LRRC4C: variants seen among roughly 807,000 people sequenced by gnomAD.
The protein encoded by LRRC4C is leucine rich repeat containing 4C, also known as leucine-rich repeat-containing protein 4C.
Under a neutral mutation model 33.6 loss-of-function variants are expected in LRRC4C, and 5 were observed. That is an observed-to-expected ratio of 0.15 (90% confidence interval 0.08 to 0.31). LRRC4C has a LOEUF of 0.31. Among genes scored for constraint, LRRC4C ranks in the 10% least tolerant of loss-of-function variants. The pLI is 1.00. For synonymous variants in LRRC4C, 329 were observed against 302.0 expected (o/e 1.09, Z -0.93); for missense variants, 560 against 796.7 (o/e 0.70, Z 3.58).
At chr11:40,796,367 C>T (rs561297806) in intron 2 of LRRC4C, among the ~76,000 whole-genome samples, 1 of 152,150 alleles carries the variant, frequency 6.6e-6, no homozygotes, top group African/African-American at 2.4e-5. Context: ...CATATAAATC[C>T]ACCTAAGGAC....
intron 1 of LRRC4C, among the ~76,000 whole-genome samples, chr11:41,137,227 G>T (rs549114804): frequency 5.3e-5 from 8 of 151,870 alleles, no homozygotes; most frequent in South Asian, 4.2e-4. Flanking sequence ...GGGTGACAGT[G>T]CAAGACTCAG....
intron 1 of LRRC4C, among the ~76,000 whole-genome samples, chr11:41,106,183 CT>C: frequency 6.6e-6 from 1 of 151,896 alleles, no homozygotes; most frequent in Non-Finnish European, 1.5e-5. Context: ...ACTTTCTCTC[CT>C]TTTTTTATAA....
intron 3 of LRRC4C, among the ~76,000 whole-genome samples, chr11:40,638,878 AC>A (rs1941940804): frequency 6.6e-6 from 1 of 151,850 alleles, no homozygotes; most frequent in Non-Finnish European, 1.5e-5. Context: ...GACTTAATAT[AC>A]GATGTTGCTA....
At chr11:40,787,252 A>C (rs1950447260) in intron 2 of LRRC4C, among the ~76,000 whole-genome samples, 1 of 147,550 alleles carries the variant, frequency 6.8e-6, no homozygotes, top group Non-Finnish European at 1.5e-5. Context: ...TGTTCTGTTA[A>C]TTGCCAACTG....
intron 2 of LRRC4C, among the ~76,000 whole-genome samples, chr11:40,686,667 G>A (rs773290988): frequency 1.3e-4 from 20 of 151,868 alleles, no homozygotes; most frequent in Non-Finnish European, 2.5e-4. Context: ...AAAATGAAAC[G>A]GTTCAAAATA....
intron 1 of LRRC4C, among the ~76,000 whole-genome samples, chr11:41,216,308 A>G (rs1320876099): frequency 6.6e-6 from 1 of 152,162 alleles, no homozygotes; most frequent in Non-Finnish European, 1.5e-5. Flanking sequence ...AATGACCGCT[A>G]TGCAATCAAC....
intron 5 of LRRC4C, among the ~76,000 whole-genome samples, chr11:40,197,458 A>G (rs1349373721): frequency 6.6e-6 from 1 of 152,240 alleles, no homozygotes; most frequent in Non-Finnish European, 1.5e-5. Context: ...TTGCTCAGAA[A>G]TGACCAAAGC....
At chr11:40,198,268 C>T (rs7949671) in intron 5 of LRRC4C, among the ~76,000 whole-genome samples, 7 of 152,146 alleles carry the variant, frequency 4.6e-5, no homozygotes, top group Non-Finnish European at 8.8e-5. Context: ...AACTGTGTAC[C>T]CACTTATGTA....
intron 1 of LRRC4C, among the ~76,000 whole-genome samples, chr11:41,403,312 T>C (rs987600945): frequency 3.3e-5 from 5 of 152,104 alleles, no homozygotes; most frequent in African/African-American, 1.2e-4. Context: ...TCCAATTGTC[T>C]GAACTTGTAA....
chr11:40,721,483 T>G (rs1477658492), intron 2 of LRRC4C, among the ~76,000 whole-genome samples: 1 of 152,248 alleles, frequency 6.6e-6, no homozygotes, highest in Non-Finnish European at 1.5e-5. Flanking sequence ...CAGCTTAAAC[T>G]AAGACACTTG....
intron 4 of LRRC4C, among the ~76,000 whole-genome samples, chr11:40,285,499 G>A (rs556485042): frequency 6.4e-4 from 98 of 152,192 alleles, no homozygotes; most frequent in African/African-American, 2.3e-3. Flanking sequence ...TATTAGCATT[G>A]ACCATATTTC....
chr11:40,722,579 C>T (rs80143926), intron 2 of LRRC4C, among the ~76,000 whole-genome samples: 1,818 of 152,210 alleles, frequency 0.012, 30 homozygotes, highest in South Asian at 0.03. Flanking sequence ...AAGAAATAAA[C>T]TAAGAATATG....
chr11:41,120,308 A>G (rs189457749), intron 1 of LRRC4C, among the ~76,000 whole-genome samples: 2 of 152,130 alleles, frequency 1.3e-5, no homozygotes, highest in African/African-American at 2.4e-5. Flanking sequence ...ACAAATATCT[A>G]TTGAGTTCCA....
chr11:40,758,748 G>T (rs1462865408), intron 2 of LRRC4C, among the ~76,000 whole-genome samples: 1 of 151,852 alleles, frequency 6.6e-6, no homozygotes, highest in East Asian at 1.9e-4. Context: ...GCATCAAACT[G>T]GTTCTTCCAT....
chr11:40,900,094 G>A (rs924457071), intron 2 of LRRC4C, among the ~76,000 whole-genome samples: 19 of 151,922 alleles, frequency 1.3e-4, no homozygotes, highest in African/African-American at 4.6e-4. Context: ...TTTATATGAA[G>A]TACCAGTTGG....
intron 2 of LRRC4C, among the ~76,000 whole-genome samples, chr11:40,891,931 C>T (rs540441009): frequency 6.6e-5 from 10 of 151,824 alleles, no homozygotes; most frequent in Admixed American, 3.9e-4. Context: ...TTCAGGAGAT[C>T]GAGACCATCC....
intron 4 of LRRC4C, among the ~76,000 whole-genome samples, chr11:40,300,895 G>C (rs953926279): frequency 1.3e-5 from 2 of 152,152 alleles, no homozygotes; most frequent in African/African-American, 4.8e-5. Context: ...TGGAACTCCC[G>C]GGCTCAAGCG....
chr11:40,553,633 T>C (rs1038012706), intron 3 of LRRC4C, among the ~76,000 whole-genome samples: 2 of 152,210 alleles, frequency 1.3e-5, no homozygotes, highest in Non-Finnish European at 2.9e-5. Context: ...TAGTGTGAGA[T>C]GGTATGTCAC....
intron 1 of LRRC4C, among the ~76,000 whole-genome samples, chr11:41,430,143 A>C (rs2138412927): frequency 6.6e-6 from 1 of 152,256 alleles, no homozygotes; most frequent in East Asian, 1.9e-4. Flanking sequence ...AATTTTCAAT[A>C]AGAGTTTTAG....
Sources: gnomAD v4.1 joint callset for allele counts (sites outside exome capture counted in the v4.1 genomes callset) on GRCh38, gnomAD v4.1.1 for gene constraint, MANE v1.5 for transcripts, NCBI Gene and HGNC (gene_info 2026-07-23, HGNC 2026-07-21) for gene names.